MTHFD2L: variants seen among roughly 807,000 people sequenced by gnomAD.
The protein encoded by MTHFD2L is bifunctional methylenetetrahydrofolate dehydrogenase/cyclohydrolase 2, mitochondrial.
A neutral mutation model predicts 34.9 loss-of-function variants in MTHFD2L; 29 were observed. The observed-to-expected ratio is 0.83, with a 90% CI of 0.62 to 1.13. The LOEUF (loss-of-function observed/expected upper bound fraction) is 1.13. Ranked by LOEUF, MTHFD2L falls within the 50% of genes most tolerant of loss-of-function variation. The pLI is 0.00. For missense variants in MTHFD2L, 481 were observed against 446.5 expected, an observed-to-expected ratio of 1.08 and a Z score of -0.70; for synonymous variants, 167 against 155.7, an observed-to-expected ratio of 1.07 and a Z score of -0.54.
At chr4:74,164,883 T>G in intron 1 of MTHFD2L, 2 of 779,874 alleles carry the variant, frequency 2.6e-6, no homozygotes, top group Non-Finnish European at 3.1e-6. Flanking sequence ...AGGCTGGGCT[T>G]TTGGAAGGGA....
chr4:74,172,726 G>GT (rs978871423), intron 1 of MTHFD2L, among the ~76,000 whole-genome samples: 1 of 152,156 alleles, frequency 6.6e-6, no homozygotes, highest in Non-Finnish European at 1.5e-5. Context: ...ATTTCAGGCA[G>GT]TTTTTGATGT....
At chr4:74,246,149 G>C (rs1476543977) in intron 6 of MTHFD2L, among the ~76,000 whole-genome samples, 1 of 144,488 alleles carries the variant, frequency 6.9e-6, no homozygotes, top group Non-Finnish European at 1.5e-5. Flanking sequence ...GTTGTTTCCT[G>C]ACTTTTTAAT....
At chr4:74,280,443 TGTGA>T (rs1376268767) in intron 6 of MTHFD2L, 1 of 152,108 alleles carries the variant, frequency 6.6e-6, no homozygotes, top group East Asian at 1.9e-4. Context: ...ACTGCAACCA[TGTGA>T]GTGAGTCCTT....
intron 1 of MTHFD2L, chr4:74,161,784 C>G (rs1010089093): frequency 1.3e-5 from 2 of 152,116 alleles, no homozygotes; most frequent in Non-Finnish European, 2.9e-5. Context: ...TATTAGTACC[C>G]TGATGGGAGG....
At chr4:74,261,434 TAGAA>T (rs1319184211) in intron 6 of MTHFD2L, among the ~76,000 whole-genome samples, 2 of 151,894 alleles carry the variant, frequency 1.3e-5, no homozygotes, top group African/African-American at 2.4e-5. Context: ...AACAAGAATA[TAGAA>T]AGAACTTTTC....
upstream of MTHFD2L, among the ~76,000 whole-genome samples, chr4:74,153,968 A>G (rs1365105137): frequency 6.6e-6 from 1 of 152,200 alleles, no homozygotes; most frequent in African/African-American, 2.4e-5. Context: ...TCTCTGTTCC[A>G]GGATCCAATC....
At chr4:74,122,782 G>T (rs1012668395), upstream of MTHFD2L, among the ~76,000 whole-genome samples, 1 of 152,176 alleles carries the variant, frequency 6.6e-6, no homozygotes, top group Non-Finnish European at 1.5e-5. Context: ...AACGGTAAAG[G>T]ATATTATTGG....
intron 6 of MTHFD2L, among the ~76,000 whole-genome samples, chr4:74,278,493 TA>T (rs1041594970): frequency 7.9e-5 from 12 of 152,140 alleles, no homozygotes; most frequent in African/African-American, 2.4e-4. Context: ...CAACTACCTT[TA>T]AAAAAAATTT....
intron 6 of MTHFD2L, among the ~76,000 whole-genome samples, chr4:74,231,932 A>G (rs1167065765): frequency 2.6e-5 from 4 of 152,218 alleles, no homozygotes; most frequent in Non-Finnish European, 4.4e-5. Context: ...AACCTTTTGC[A>G]TAGTGTAATC....
rs1728647790 is a variant in MTHFD2L, at chr4:74,174,523, T to C, written c.161T>C (p.Ile54Thr). ...TTCCACAGACATGAAGCCATTATTA[T>C]ATCAGGAACCGAAATGGCCAAGCAT... is the stretch of plus-strand genomic sequence containing the variant. ...SSGVRHEAII[I>T]SGTEMAKHIQ... Residue 54 changes from isoleucine to threonine, a missense_variant, in exon 2 of 8, where the codon ATA (isoleucine) becomes ACA (threonine). Physicochemically the swap from Ile to Thr is moderately conservative, Grantham distance 89. Transcript: ENST00000325278. 1 of 1,556,830 alleles carries C rather than the reference T, an allele frequency of 6.4e-7. No individual in the cohort carries two copies. Among genetic ancestry groups the C allele is most frequent in the Non-Finnish European group, 8.7e-7 (1 of 1,154,788 alleles).
At chr4:74,195,965 G>A (rs886952380) in intron 3 of MTHFD2L, 1 of 152,158 alleles carries the variant, frequency 6.6e-6, no homozygotes, top group African/African-American at 2.4e-5. Context: ...AGGCAGATTT[G>A]CTCTGAGCAG....
chr4:74,178,051 A>T (rs1384232942), intron 3 of MTHFD2L, among the ~76,000 whole-genome samples: 1 of 50,826 alleles, frequency 2.0e-5, no homozygotes, highest in Non-Finnish European at 1.8e-4. Context: ...AAGTAAACTC[A>T]TGGAAACATA....
chr4:74,123,642 A>T (rs1560398983), upstream of MTHFD2L, among the ~76,000 whole-genome samples: 2 of 152,026 alleles, frequency 1.3e-5, no homozygotes, highest in Admixed American at 6.6e-5. Context: ...AATACTTAAA[A>T]TTTTTTTATG....
At chr4:74,199,994 A>T in intron 4 of MTHFD2L, 48 bp downstream of exon 4, 1 of 1,595,624 alleles carries the variant, frequency 6.3e-7, no homozygotes, top group Non-Finnish European at 8.6e-7. Flanking sequence ...TGCTGAGCTG[A>T]GCCTTTGTGC....
At chr4:74,180,810 C>G in intron 3 of MTHFD2L, 1 of 370,358 alleles carries the variant, frequency 2.7e-6, no homozygotes, top group South Asian at 1.9e-5. Flanking sequence ...CAGATGCTTT[C>G]CTACTCCTGT....
intron 6 of MTHFD2L, among the ~76,000 whole-genome samples, chr4:74,230,858 C>G (rs1739935608): frequency 6.6e-6 from 1 of 152,130 alleles, no homozygotes. Flanking sequence ...CTGTAAAATT[C>G]TAGGAATCTT....
chr4:74,245,584 G>A (rs1329455591), intron 6 of MTHFD2L, among the ~76,000 whole-genome samples: 3 of 151,846 alleles, frequency 2.0e-5, no homozygotes, highest in Non-Finnish European at 4.4e-5. Context: ...CCATTAACTC[G>A]TCATTTAGCA....
chr4:74,170,503 G>A (rs1727684215), intron 1 of MTHFD2L, among the ~76,000 whole-genome samples: 1 of 152,070 alleles, frequency 6.6e-6, no homozygotes, highest in Non-Finnish European at 1.5e-5. Context: ...AGAAAACGCT[G>A]GAGAAAACCT....
At chr4:74,237,061 C>CT (rs1740953279) in intron 6 of MTHFD2L, among the ~76,000 whole-genome samples, 1 of 151,994 alleles carries the variant, frequency 6.6e-6, no homozygotes, top group African/African-American at 2.4e-5. Context: ...GACAAGGGTG[C>CT]TTTCGTATAA....
Sources: gnomAD v4.1 joint callset for allele counts (sites outside exome capture counted in the v4.1 genomes callset) on GRCh38, gnomAD v4.1.1 for gene constraint, MANE v1.5 for transcripts, NCBI Gene and HGNC (gene_info 2026-07-23, HGNC 2026-07-21) for gene names.